Variants in VPS52 observed in about 807,000 individuals in gnomAD.
The protein encoded by VPS52 is vacuolar protein sorting-associated protein 52 homolog.
In VPS52, 56 loss-of-function variants were observed where a neutral mutation model predicts 98.7. The observed-to-expected ratio is 0.57, with a 90% CI of 0.46 to 0.71. The LOEUF is 0.71. VPS52 is among the 30% of genes least tolerant of loss of function. The probability of loss-of-function intolerance (pLI) is 0.00; values close to 1 mark genes in which losing one functional copy is unlikely to be tolerated. For synonymous variants in VPS52, 348 were observed against 346.4 expected, an observed-to-expected ratio of 1.00 and a Z score of -0.05; for missense variants, 742 against 925.9, an observed-to-expected ratio of 0.80 and a Z score of 2.58.
chr6:33,268,394 G>T lies in VPS52; in HGVS notation c.699+105C>A. 6.9e-7 allele frequency: 1 copy of T among 1,450,974 alleles called. No homozygotes were observed. Among genetic ancestry groups the T allele is most frequent in the Non-Finnish European group, 9.3e-7 (1 of 1,070,224 alleles). 89.9% of individuals were successfully genotyped at this position (1,450,974 alleles called of 1,614,324 possible). ...GGCTGCCCAGAAAAGGCAGGGTGAA[G>T]TCCCTGGAGACAGGCTACAGTGAGC... is the stretch of plus-strand genomic sequence containing the variant. On this transcript the variant is annotated intron_variant, in intron 7 of 19. Transcript: ENST00000445902. This position sits in a 1 kb window ranked among gnomAD's most constrained non-coding sequence, Gnocchi z 4.0.
chr6:33,256,263 G>A (rs1327236649), intron 17 of VPS52, among the ~76,000 whole-genome samples: 2 of 151,514 alleles, frequency 1.3e-5, no homozygotes, highest in East Asian at 1.9e-4. Context: ...CCAGTTTAGT[G>A]AGACACTACA....
chr6:33,257,404 A>T (rs1389018750), intron 17 of VPS52, among the ~76,000 whole-genome samples: 2 of 143,156 alleles, frequency 1.4e-5, no homozygotes, highest in African/African-American at 2.6e-5. Context: ...AAGGAATTTC[A>T]TTTTTTTTTT....
rs766165992 is a variant in VPS52, at chr6:33,264,515, A to G, written c.1401-18T>C. 1 of 1,613,614 alleles carries G rather than the reference A, an allele frequency of 6.2e-7. No homozygotes were observed. The highest frequency in any genetic ancestry group is 8.5e-7 in the Non-Finnish European group (1 of 1,179,794). On this transcript the variant is annotated intron_variant, in intron 13 of 19. Transcript: ENST00000445902. ...CCCAGTACCTGTGGGCTTAATCAGA[A>G]TCAGAGGTCAGCCAGCAAGGAATGT...
In VPS52 at chr6:33,267,561, C is replaced by A; in HGVS notation, c.991+121G>T. On this transcript the variant is annotated intron_variant, in intron 10 of 19. Transcript: ENST00000445902. The surrounding 1 kb of genome is among the most constrained non-coding windows in gnomAD (Gnocchi z 4.2). ...TTCTGGGGAGGGAGGCTATAGCTTT[C>A]ATCACATTCTAAAAGGTTTCAGTCC... 1 of 1,301,000 alleles carries A rather than the reference C, an allele frequency of 7.7e-7. No individual in the cohort carries two copies. The highest frequency in any genetic ancestry group is 1.4e-5 in the South Asian group (1 of 74,030). The allele number at this position is 1,301,000 out of a possible 1,614,324, so 80.6% of individuals were successfully genotyped here. A position where few individuals can be genotyped will look rare whatever the true frequency, so the allele number is the denominator to read the frequency against.
At position 33,264,773 on chromosome 6, in the gene VPS52, T is replaced by A; in HGVS notation, c.1400+9A>T. On this transcript the variant is annotated intron_variant, in intron 13 of 19. Transcript: ENST00000445902. ...GCCTGTTGGGCATCAAGGACCAGAA[T>A]TCAGTGACCTGTCCAGGGCAGGAAC... is the stretch of plus-strand genomic sequence containing the variant. The A allele has an allele frequency of 1.2e-6, 2 of 1,612,054 alleles. No individual in the cohort carries two copies. Among genetic ancestry groups the A allele is most frequent in the Non-Finnish European group, 1.7e-6 (2 of 1,178,966 alleles).
chr6:33,250,634 C>G lies in VPS52; in HGVS notation c.*207G>C. ...CCCACAGGGAAGTGGTCTTGGGAAA[C>G]CTGAAGACACTGGGATATTCAGAAG... On this transcript the variant is annotated 3_prime_UTR_variant, in exon 20 of 20. Transcript: ENST00000445902. 1 of 621,374 alleles carries G rather than the reference C, an allele frequency of 1.6e-6. No homozygotes were observed. Among genetic ancestry groups the G allele is most frequent in the Non-Finnish European group, 2.7e-6 (1 of 373,438 alleles). 38.5% of individuals were successfully genotyped at this position (621,374 alleles called of 1,614,324 possible). A position where few individuals can be genotyped will look rare whatever the true frequency, so the allele number is the denominator to read the frequency against.
chr6:33,270,423 G>T (rs1764876295), intron 1 of VPS52, 140 bp from the exon 2 acceptor site: 1 of 735,720 alleles, frequency 1.4e-6, no homozygotes, highest in Non-Finnish European at 2.2e-6. Flanking sequence ...AATTCTAAGA[G>T]TCTCACGTTG....
intron 17 of VPS52, among the ~76,000 whole-genome samples, chr6:33,261,792 G>A (rs963369755): frequency 1.3e-5 from 2 of 151,916 alleles, no homozygotes; most frequent in Non-Finnish European, 2.9e-5. Flanking sequence ...TGTAATCCCA[G>A]CACTTTGGGA....
rs137873130 is a variant in VPS52 at position 33,258,207 on chromosome 6, G to A, written c.1794+5277C>T. 9.2e-5 allele frequency among the ~76,000 whole-genome samples: 14 copies of A among 152,002 alleles called. No homozygotes were observed. The East Asian group carries it at 2.7e-3, about 29-fold the overall frequency. ...GTTCAAGACTGGCCTGGCCAACATG[G>A]CAAAACCCATCTCTACTAAATATAC... On this transcript the variant is annotated intron_variant, in intron 17 of 19. Coordinates refer to ENST00000445902, the MANE Select transcript of VPS52 (RefSeq NM_022553.6).
Position 33,250,615 on chromosome 6 carries a change from G to A in VPS52, c.*226C>T, listed in dbSNP as rs1165506002. On this transcript the variant is annotated 3_prime_UTR_variant, in exon 20 of 20. Coordinates refer to ENST00000445902, the MANE Select transcript of VPS52 (RefSeq NM_022553.6). ...ATAAAGGCCATTTTGGAAGCCCACAGGGAAGTGGTCTTGGGAAACCTGAAG... is the reference window on the plus strand; with the variant it reads ...ATAAAGGCCATTTTGGAAGCCCACAAGGAAGTGGTCTTGGGAAACCTGAAG... 9.0e-6 allele frequency: 5 copies of A among 557,524 alleles called. No homozygotes were observed. In the Admixed American group the frequency reaches 1.4e-4, roughly 15 times the overall value. 34.5% of individuals were successfully genotyped at this position (557,524 alleles called of 1,614,324 possible). A position where few individuals can be genotyped will look rare whatever the true frequency, so the allele number is the denominator to read the frequency against.
At chr6:33,271,537 A>C in intron 1 of VPS52, 49 bp downstream of exon 1, 1 of 1,561,942 alleles carries the variant, frequency 6.4e-7, no homozygotes, top group Non-Finnish European at 8.7e-7. Flanking sequence ...GGTCTTTCTG[A>C]AGCTAGGAGC....
Position 33,264,395 on chromosome 6 carries a change from C to G in VPS52, c.1503G>C (p.Gly501=). The G allele has an allele frequency of 6.2e-7, 1 of 1,614,142 alleles. No individual in the cohort carries two copies. Among genetic ancestry groups the G allele is most frequent in the Non-Finnish European group, 8.5e-7 (1 of 1,180,004 alleles). The change falls in exon 14 of 20, where the codon GGG becomes GGC. Residue 501 remains glycine, a synonymous_variant. Coordinates refer to ENST00000445902, the MANE Select transcript of VPS52 (RefSeq NM_022553.6). Reference sequence around the variant, plus strand: ...TCACATAGTGGGGCCGAGTATCCAACCCCCCTAGGCGCTGGGGGTCAGTGC... The same window carrying G: ...TCACATAGTGGGGCCGAGTATCCAAGCCCCCTAGGCGCTGGGGGTCAGTGC... ...VRSTDPQRLG[G]LDTRPHYITR...
rs370386307 is a variant in VPS52 at position 33,267,160 on chromosome 6, C to T, written c.1125+28G>A. ...TCCCCACCGTGCTCAGAGCCTCTTT[C>T]GTGACTGAAGCTTGTTCCTCCTCAT... is the stretch of plus-strand genomic sequence containing the variant. On this transcript the variant is annotated intron_variant, in intron 11 of 19. Coordinates refer to ENST00000445902, the MANE Select transcript of VPS52 (RefSeq NM_022553.6). The surrounding 1 kb of genome is among the most constrained non-coding windows in gnomAD (Gnocchi z 4.2). The T allele has an allele frequency of 8.2e-6, 12 of 1,464,984 alleles. No homozygotes were observed. In the African/African-American group the frequency reaches 8.5e-5, roughly 10 times the overall value. 90.7% of individuals were successfully genotyped at this position (1,464,984 alleles called of 1,614,324 possible).
chr6:33,257,484 C>T (rs1172667252), intron 17 of VPS52, among the ~76,000 whole-genome samples: 1 of 152,060 alleles, frequency 6.6e-6, no homozygotes, highest in Non-Finnish European at 1.5e-5. Context: ...CTGCATCCTC[C>T]ACCTCCCTGG....
rs1764455386 is a variant in VPS52, at chr6:33,267,317, G to C, written c.996C>G (p.Phe332Leu). The C allele has an allele frequency of 1.9e-6, 3 of 1,582,306 alleles. No individual in the cohort carries two copies. The South Asian group carries it at 3.5e-5, about 18-fold the overall frequency. ...MGVEDTAKKGFFSKPSLRSRN... is the reference protein window; with the variant it reads ...MGVEDTAKKGLFSKPSLRSRN... ...TGCTGCGGAGCGATGGCTTTGAGAA[G>C]AATCGTAAGATGGGTCAGAGTCAGG... The change falls in exon 11 of 20, where the codon TTC becomes TTG. Residue 332 changes from phenylalanine (F) to leucine (L), a missense_variant. Coordinates refer to ENST00000445902, the MANE Select transcript of VPS52 (RefSeq NM_022553.6). The surrounding 1 kb of genome is among the most constrained non-coding windows in gnomAD (Gnocchi z 4.2).
Position 33,257,891 on chromosome 6 carries a change from T to C in VPS52, c.1794+5593A>G, listed in dbSNP as rs536847260. On this transcript the variant is annotated intron_variant, in intron 17 of 19. Transcript: ENST00000445902. ...ATTAGCTGGGCATATGGCACACACC[T>C]GTAGTCCTAGTTACTTGGGAGGCTG... Among the ~76,000 whole-genome samples, 11 of 152,204 alleles carry C rather than the reference T, an allele frequency of 7.2e-5. No homozygotes were observed. In the East Asian group the frequency reaches 2.1e-3, roughly 29 times the overall value.
intron 17 of VPS52, among the ~76,000 whole-genome samples, chr6:33,255,591 G>A (rs950966917): frequency 1.3e-5 from 2 of 150,366 alleles, no homozygotes; most frequent in Middle Eastern, 3.5e-3. Context: ...AGACCATCCT[G>A]GCTAACATGG....
intron 17 of VPS52, among the ~76,000 whole-genome samples, chr6:33,253,182 T>C (rs761769932): frequency 1.3e-5 from 2 of 152,118 alleles, no homozygotes; most frequent in African/African-American, 2.4e-5. Context: ...TGGATCCTGA[T>C]TTGAACCATA....
chr6:33,254,162 T>C (rs1333726230), intron 17 of VPS52, among the ~76,000 whole-genome samples: 1 of 151,974 alleles, frequency 6.6e-6, no homozygotes, highest in African/African-American at 2.4e-5. Flanking sequence ...TAACCCCAGC[T>C]ACTCAGGGAG....
Sources: gnomAD v4.1 joint callset for allele counts (sites outside exome capture counted in the v4.1 genomes callset) on GRCh38, gnomAD v4.1.1 for gene constraint, Gnocchi (gnomAD v3.1) non-coding constraint, MANE v1.5 for transcripts, NCBI Gene and HGNC (gene_info 2026-07-23, HGNC 2026-07-21) for gene names.